ABLIM1: variants seen among roughly 807,000 people sequenced by gnomAD.
ABLIM1 encodes actin-binding LIM protein 1.
ABLIM1 carries 40 observed loss-of-function variants against 107.0 expected under a neutral mutation model. The observed-to-expected ratio is 0.37, with a 90% CI of 0.29 to 0.49. The LOEUF (loss-of-function observed/expected upper bound fraction) is 0.49, where lower values mean the gene tolerates loss of function less well. Among genes scored for constraint, ABLIM1 ranks in the 20% least tolerant of loss-of-function variants. ABLIM1 has a pLI of 0.97. For synonymous variants in ABLIM1, 357 were observed against 357.3 expected (o/e 1.00, Z 0.01); for missense variants, 857 against 1,008.5 (o/e 0.85, Z 2.04).
At chr10:114,727,231 G>C (rs2081979051) in intron 1 of ABLIM1, among the ~76,000 whole-genome samples, 1 of 152,114 alleles carries the variant, frequency 6.6e-6, no homozygotes, top group African/African-American at 2.4e-5. Context: ...CCTTCACCCA[G>C]AAAGAATAGT....
intron 1 of ABLIM1, among the ~76,000 whole-genome samples, chr10:114,751,806 G>A (rs191426964): frequency 6.6e-6 from 1 of 151,526 alleles, no homozygotes; most frequent in African/African-American, 2.4e-5. Context: ...CTCATGCACA[G>A]GGGGGAAATG....
rs770198683 is a variant in ABLIM1 at position 114,447,897 on chromosome 10, G to T, written c.1718C>A (p.Pro573His). 1 of 1,614,068 alleles carries T rather than the reference G, an allele frequency of 6.2e-7. No individual in the cohort carries two copies. The highest frequency in any genetic ancestry group is 1.7e-5 in the Admixed American group (1 of 60,008). The change falls in exon 15 of 23, where the codon CCC (proline) becomes CAC (histidine). Residue 573 changes from proline to histidine, a missense_variant. Physicochemically the swap from Pro to His is moderately conservative, Grantham distance 77 (BLOSUM62 -2). Around this residue, in one of 5 missense-constraint regions of ABLIM1, gnomAD observed 103 missense variants for 101.0 expected, o/e 1.02. Coordinates refer to ENST00000533213, the MANE Select transcript of ABLIM1 (RefSeq NM_002313.7). Reference sequence around the variant, plus strand: ...TTGCATACCTACGACAGCAAATGAGGGGGGACCAGGCCAGTGGTCCGTCTC... The same window carrying T: ...TTGCATACCTACGACAGCAAATGAGTGGGGACCAGGCCAGTGGTCCGTCTC... The part of the protein sequence containing the change: ...KIETDHWPGP[P>H]SFAVVGPDMK...
intron 5 of ABLIM1, among the ~76,000 whole-genome samples, chr10:114,546,122 C>T (rs2067311894): frequency 6.6e-6 from 1 of 151,708 alleles, no homozygotes; most frequent in African/African-American, 2.4e-5. Flanking sequence ...CTCCTTGGAG[C>T]ACAGGAAAAA....
intron 6 of ABLIM1, among the ~76,000 whole-genome samples, chr10:114,497,682 A>C (rs905569391): frequency 1.1e-4 from 1 of 9,346 alleles, no homozygotes; most frequent in Non-Finnish European, 1.9e-4. Flanking sequence ...ATTCTGTCTC[A>C]AAAAAAAAAA....
chr10:114,769,172 G>GAAAAAAAAAAA (rs35691537), upstream of ABLIM1, among the ~76,000 whole-genome samples: 2 of 46,524 alleles, frequency 4.3e-5, no homozygotes, highest in African/African-American at 2.0e-4. Context: ...TGTCTTCAAT[G>GAAAAAAAAAAA]AAAAAAAAAA....
chr10:114,567,791 T>C (rs10885582), intron 4 of ABLIM1, among the ~76,000 whole-genome samples: 57,997 of 152,126 alleles, frequency 0.38, 12,974 homozygotes, highest in Non-Finnish European at 0.51. Flanking sequence ...AGCAAACTCA[T>C]TTCTGAACAG....
the ABLIM1 span, among the ~76,000 whole-genome samples, chr10:114,795,724 AG>A: frequency 6.6e-6 from 1 of 151,876 alleles, no homozygotes. Context: ...AAAAAAAAAA[AG>A]AAATTACATT....
chr10:114,517,321 C>T (rs1195890800), intron 6 of ABLIM1, among the ~76,000 whole-genome samples: 1 of 152,138 alleles, frequency 6.6e-6, no homozygotes, highest in East Asian at 1.9e-4. Flanking sequence ...AGAGGGCAAG[C>T]TGGACCCACA....
At chr10:114,704,294 CTCTCTCTCTA>C (rs1162633960) in intron 1 of ABLIM1, among the ~76,000 whole-genome samples, 47 of 28,480 alleles carry the variant, frequency 1.7e-3, no homozygotes, top group African/African-American at 4.8e-3. Context: ...CTCTCTCTCT[CTCTCTCTCTA>C]TATATATATA....
At chr10:114,764,504 G>C in intron 1 of ABLIM1, among the ~76,000 whole-genome samples, 1 of 152,010 alleles carries the variant, frequency 6.6e-6, no homozygotes, top group East Asian at 1.9e-4. Flanking sequence ...ACCATGCCCG[G>C]CTAATTTTTG....
chr10:114,494,236 C>A (rs1248343618), intron 6 of ABLIM1, among the ~76,000 whole-genome samples: 1 of 152,190 alleles, frequency 6.6e-6, no homozygotes, highest in Non-Finnish European at 1.5e-5. Flanking sequence ...ACAACCTATA[C>A]AAAAATCAAT....
At chr10:114,612,037 T>A (rs764358236) in intron 1 of ABLIM1, among the ~76,000 whole-genome samples, 1 of 152,190 alleles carries the variant, frequency 6.6e-6, no homozygotes, top group Non-Finnish European at 1.5e-5. Context: ...GGGCCAAGAA[T>A]ACATGCCCGA....
At chr10:114,699,486 G>A (rs1173692918) in intron 1 of ABLIM1, among the ~76,000 whole-genome samples, 3 of 152,078 alleles carry the variant, frequency 2.0e-5, no homozygotes, top group Non-Finnish European at 4.4e-5. Context: ...TAAAAGTAAG[G>A]TGTCTTCTGA....
At chr10:114,483,491 G>A (rs2057699735) in intron 8 of ABLIM1, among the ~76,000 whole-genome samples, 1 of 152,078 alleles carries the variant, frequency 6.6e-6, no homozygotes, top group African/African-American at 2.4e-5. Context: ...TGCCCAGGCT[G>A]GTCTCAAACT....
chr10:114,539,249 T>C (rs1342719918), intron 6 of ABLIM1, among the ~76,000 whole-genome samples: 1 of 152,086 alleles, frequency 6.6e-6, no homozygotes, highest in Non-Finnish European at 1.5e-5. Flanking sequence ...TACCAGCTAC[T>C]TAGGAGGGTG....
At chr10:114,676,205 G>A (rs760665695) in intron 1 of ABLIM1, among the ~76,000 whole-genome samples, 13 of 152,172 alleles carry the variant, frequency 8.5e-5, no homozygotes, top group South Asian at 4.1e-4. Flanking sequence ...GTGACTGGGC[G>A]CGATGGCTCA....
chr10:114,548,551 A>T (rs1345476378), intron 4 of ABLIM1, among the ~76,000 whole-genome samples: 1 of 152,216 alleles, frequency 6.6e-6, no homozygotes, highest in Non-Finnish European at 1.5e-5. Context: ...ATGAGGATTC[A>T]GTGCATTTAA....
intron 1 of ABLIM1, among the ~76,000 whole-genome samples, chr10:114,726,527 T>C (rs2081963331): frequency 6.6e-6 from 1 of 152,070 alleles, no homozygotes; most frequent in Non-Finnish European, 1.5e-5. Flanking sequence ...AATAGTTCAC[T>C]CACCACTATC....
chr10:114,695,741 G>A (rs765379842), intron 1 of ABLIM1, among the ~76,000 whole-genome samples: 13 of 152,270 alleles, frequency 8.5e-5, no homozygotes, highest in Middle Eastern at 3.4e-3. Flanking sequence ...CAATGCCATG[G>A]CATTTTATTT....
Sources: allele counts gnomAD v4.1 joint callset (sites outside exome capture counted in the v4.1 genomes callset), GRCh38; gene constraint gnomAD v4.1.1; regional missense constraint gnomAD v4.1.1; transcripts MANE v1.5; gene names NCBI Gene and HGNC (gene_info 2026-07-23, HGNC 2026-07-21).